The following CAMK1D variants were observed in gnomAD, a reference collection of about 807,000 sequenced individuals.
CAMK1D encodes calcium/calmodulin-dependent protein kinase type 1D.
Under a neutral mutation model 47.7 loss-of-function variants are expected in CAMK1D, and 9 were observed. The ratio of observed to expected loss-of-function variants is 0.19; its 90% confidence interval spans 0.11 to 0.33. CAMK1D has a LOEUF of 0.33. CAMK1D is among the 10% of genes least tolerant of loss of function. The probability of loss-of-function intolerance (pLI) is 1.00; values close to 1 mark genes in which losing one functional copy is unlikely to be tolerated. For missense variants in CAMK1D, 291 were observed against 488.7 expected (o/e 0.60, Z 3.81); for synonymous variants, 184 against 184.9 (o/e 0.99, Z 0.04).
At chr10:12,606,590 C>T (rs549859639) in intron 2 of CAMK1D, among the ~76,000 whole-genome samples, 16 of 152,164 alleles carry the variant, frequency 1.1e-4, no homozygotes, top group Non-Finnish European at 1.5e-4. Flanking sequence ...TCTCCCTTTG[C>T]CCCATGCCTA....
At chr10:12,800,306 A>G (rs1285798914) in intron 6 of CAMK1D, among the ~76,000 whole-genome samples, 3 of 152,248 alleles carry the variant, frequency 2.0e-5, no homozygotes, top group Non-Finnish European at 2.9e-5. Context: ...GGCCTTGCAA[A>G]TAAGTACAAA....
At chr10:12,611,935 CTAA>C (rs1269850059) in intron 2 of CAMK1D, among the ~76,000 whole-genome samples, 1 of 152,162 alleles carries the variant, frequency 6.6e-6, no homozygotes, top group Non-Finnish European at 1.5e-5. Context: ...GGTTATCCTG[CTAA>C]TGCCTTATTT....
chr10:12,565,002 A>C (rs1392271364), intron 2 of CAMK1D, among the ~76,000 whole-genome samples: 2 of 152,218 alleles, frequency 1.3e-5, no homozygotes, highest in African/African-American at 4.8e-5. Flanking sequence ...TGAGGCAAGG[A>C]GTTTAAGACC....
intron 1 of CAMK1D, among the ~76,000 whole-genome samples, chr10:12,527,834 G>A (rs1431483642): frequency 6.6e-6 from 1 of 152,186 alleles, no homozygotes; most frequent in Admixed American, 6.5e-5. Flanking sequence ...ATTCTGTGCA[G>A]AAATTTAACC....
At chr10:12,813,712 A>G (rs576958030) in intron 6 of CAMK1D, among the ~76,000 whole-genome samples, 4 of 152,102 alleles carry the variant, frequency 2.6e-5, no homozygotes, top group Non-Finnish European at 4.4e-5. Context: ...TTCTTGGTTG[A>G]GATTATATTT....
intron 2 of CAMK1D, among the ~76,000 whole-genome samples, chr10:12,586,972 A>G (rs1284196230): frequency 6.6e-6 from 1 of 152,110 alleles, no homozygotes; most frequent in Non-Finnish European, 1.5e-5. Context: ...GACTCACAGG[A>G]AGGCTGCTCT....
At chr10:12,488,210 C>T (rs1276649906) in intron 1 of CAMK1D, among the ~76,000 whole-genome samples, 1 of 152,078 alleles carries the variant, frequency 6.6e-6, no homozygotes, top group Non-Finnish European at 1.5e-5. Flanking sequence ...AGGATGGAGG[C>T]CTTCCAAGCC....
chr10:12,397,780 G>A (rs1355608766), intron 1 of CAMK1D, among the ~76,000 whole-genome samples: 1 of 152,156 alleles, frequency 6.6e-6, no homozygotes, highest in South Asian at 2.1e-4. Context: ...AGTTTGGCTT[G>A]CATGCTGTTG....
intron 1 of CAMK1D, among the ~76,000 whole-genome samples, chr10:12,427,406 C>T (rs548412829): frequency 2.6e-4 from 40 of 152,198 alleles, no homozygotes; most frequent in African/African-American, 8.2e-4. Context: ...GGGAAGAATC[C>T]GCCGATCTCT....
chr10:12,596,599 G>A (rs1263399348), intron 2 of CAMK1D, among the ~76,000 whole-genome samples: 2 of 152,288 alleles, frequency 1.3e-5, no homozygotes, highest in East Asian at 3.9e-4. Context: ...TCTAGGTAGA[G>A]TCCATCTGAA....
At chr10:12,588,866 A>ATGTGTG (rs61703961) in intron 2 of CAMK1D, among the ~76,000 whole-genome samples, 1,974 of 144,312 alleles carry the variant, frequency 0.014, 29 homozygotes, top group Middle Eastern at 0.021. Flanking sequence ...ATATGTATAT[A>ATGTGTG]TGTGTGTGTG....
chr10:12,564,700 TA>T (rs1414111123), intron 2 of CAMK1D, among the ~76,000 whole-genome samples: 25 of 152,294 alleles, frequency 1.6e-4, no homozygotes, highest in African/African-American at 5.3e-4. Context: ...TATGAATATT[TA>T]AAAAATAGTT....
chr10:12,411,764 A>AT (rs1253572799), intron 1 of CAMK1D, among the ~76,000 whole-genome samples: 1 of 151,232 alleles, frequency 6.6e-6, no homozygotes, highest in Non-Finnish European at 1.5e-5. Flanking sequence ...ACGCCTGGCT[A>AT]TTTTTTTGTA....
intron 3 of CAMK1D, among the ~76,000 whole-genome samples, chr10:12,693,899 A>G (rs1402738757): frequency 2.6e-5 from 3 of 113,288 alleles, no homozygotes; most frequent in African/African-American, 6.7e-5. Context: ...TATATATAAA[A>G]TATATATATA....
intron 1 of CAMK1D, among the ~76,000 whole-genome samples, chr10:12,470,955 G>T (rs1361248772): frequency 6.6e-6 from 1 of 152,216 alleles, no homozygotes; most frequent in East Asian, 1.9e-4. Context: ...GTGGGGCTGT[G>T]CTCCAGGAGC....
chr10:12,357,136 C>G (rs1163761290), intron 1 of CAMK1D, among the ~76,000 whole-genome samples: 2 of 152,014 alleles, frequency 1.3e-5, no homozygotes, highest in African/African-American at 4.8e-5. Flanking sequence ...GGTCAACTTG[C>G]CCACCGGGGA....
intron 3 of CAMK1D, among the ~76,000 whole-genome samples, chr10:12,698,023 C>T (rs116759733): frequency 0.016 from 2,510 of 152,236 alleles, 67 homozygotes; most frequent in African/African-American, 0.058. Flanking sequence ...GCTGTGTGGC[C>T]TTGGAATGGC....
intron 3 of CAMK1D, among the ~76,000 whole-genome samples, chr10:12,708,348 G>A (rs1400413466): frequency 6.6e-6 from 1 of 152,034 alleles, no homozygotes; most frequent in East Asian, 1.9e-4. Flanking sequence ...TGGGAGGGAG[G>A]GAAGGAGAAG....
chr10:12,698,614 C>G (rs1251018383), intron 3 of CAMK1D, among the ~76,000 whole-genome samples: 1 of 151,600 alleles, frequency 6.6e-6, no homozygotes. Context: ...GGGAACTTAA[C>G]CATGTCAGTG....
Sources: gnomAD v4.1 joint callset for allele counts (sites outside exome capture counted in the v4.1 genomes callset) on GRCh38, gnomAD v4.1.1 for gene constraint, MANE v1.5 for transcripts, NCBI Gene and HGNC (gene_info 2026-07-23, HGNC 2026-07-21) for gene names.